Variants in C19orf84 observed in about 807,000 individuals in gnomAD.
C19orf84 encodes piRNA-mediated silencing protein C19orf84.
C19orf84 carries 1 observed loss-of-function variant against 4.0 expected under a neutral mutation model. The observed-to-expected ratio is 0.25, with a 90% CI of 0.09 to 1.19. The LOEUF (loss-of-function observed/expected upper bound fraction) is 1.19, where lower values mean the gene tolerates loss of function less well. C19orf84 is among the 50% of genes most tolerant of loss of function. The pLI, the probability that C19orf84 is intolerant of heterozygous loss-of-function variation, is 0.50. For synonymous variants in C19orf84, 123 were observed against 109.6 expected (o/e 1.12, Z -0.76); for missense variants, 224 against 246.8 (o/e 0.91, Z 0.62).
chr19:51,390,229 G>T (rs951846722), intron 1 of C19orf84: 3 of 365,004 alleles, frequency 8.2e-6, no homozygotes, highest in African/African-American at 2.1e-5. Flanking sequence ...CACCCGCCTC[G>T]GCCTCCCAAA....
At position 51,389,694 on chromosome 19, in the gene C19orf84, A is replaced by G. The variant is rs1040937012; in HGVS notation, c.36-185T>C. Among the ~76,000 whole-genome samples the G allele has an allele frequency of 6.6e-5, 10 of 152,202 alleles. No homozygotes were observed. Among genetic ancestry groups the G allele is most frequent in the Non-Finnish European group, 1.2e-4 (8 of 68,024 alleles). ...CCCGGGTCTCTCTAAAGAAACAGAC[A>G]GCTCTGCCATGAACTTCGGCACCAG... On this transcript the variant is annotated intron_variant, in intron 1 of 1. Transcript: ENST00000574814. This position sits in a 1 kb window ranked among gnomAD's most constrained non-coding sequence, Gnocchi z 4.7.
rs113716094 is a variant in C19orf84 at position 51,388,597 on chromosome 19, G to A, written c.*387C>T. The A allele has an allele frequency of 1.6e-5, 4 of 253,640 alleles. No individual in the cohort carries two copies. Among genetic ancestry groups the A allele is most frequent in the African/African-American group, 6.9e-5 (3 of 43,194 alleles). The allele number at this position is 253,640 out of a possible 1,614,324, so 15.7% of individuals were successfully genotyped here. Reference sequence around the variant, plus strand: ...TGGGAATGAATGGGTTTGGGAACAGGGTATTGAGAGTGGGGAAGAGAGAGG... The same window carrying A: ...TGGGAATGAATGGGTTTGGGAACAGAGTATTGAGAGTGGGGAAGAGAGAGG... On this transcript the variant is annotated 3_prime_UTR_variant, in exon 2 of 2. Transcript: ENST00000574814.
At position 51,389,406 on chromosome 19, in the gene C19orf84, C is replaced by T. The variant is rs1181517663; in HGVS notation, c.139G>A (p.Gly47Arg). Reference sequence around the variant, plus strand: ...ACAGAGGCCACGCTCTCCGGGAGCCCCAGGTGGGTGGGGTCTGTGGAGTTC... The same window carrying T: ...ACAGAGGCCACGCTCTCCGGGAGCCTCAGGTGGGTGGGGTCTGTGGAGTTC... ...LLNSTDPTHL[G>R]LPESVASVTV... The change falls in exon 2 of 2, where the codon GGG becomes AGG. Residue 47 changes from glycine (G) to arginine (R), a missense_variant. Transcript: ENST00000574814. This position sits in a 1 kb window ranked among gnomAD's most constrained non-coding sequence, Gnocchi z 4.7. 6.7e-7 allele frequency: 1 copy of T among 1,490,556 alleles called. No homozygotes were observed. The highest frequency in any genetic ancestry group is 1.4e-5 in the African/African-American group (1 of 71,960). 92.3% of individuals were successfully genotyped at this position (1,490,556 alleles called of 1,614,324 possible).
chr19:51,390,013 T>C (rs939834627), intron 1 of C19orf84, among the ~76,000 whole-genome samples: 1 of 151,956 alleles, frequency 6.6e-6, no homozygotes, highest in African/African-American at 2.4e-5. Context: ...GGTTTCACTC[T>C]TGTTGCCCAG....
chr19:51,388,857 T>G lies in C19orf84; in HGVS notation c.*127A>C. 3 of 1,064,986 alleles carry G rather than the reference T, an allele frequency of 2.8e-6. No homozygotes were observed. Among genetic ancestry groups the G allele is most frequent in the African/African-American group, 1.6e-5 (1 of 62,210 alleles). 66.0% of individuals were successfully genotyped at this position (1,064,986 alleles called of 1,614,324 possible). A position where few individuals can be genotyped will look rare whatever the true frequency, so the allele number is the denominator to read the frequency against. On this transcript the variant is annotated 3_prime_UTR_variant, in exon 2 of 2. Transcript: ENST00000574814. ...CTCACAGGAGCTACTCCTGGGATTG[T>G]GGTTTTGGGGAGAGGGGAGGATGGA...
Position 51,388,638 on chromosome 19 carries a change from T to G in C19orf84, c.*346A>C. On this transcript the variant is annotated 3_prime_UTR_variant, in exon 2 of 2. Transcript: ENST00000574814. ...AAGAGAGAGGCAGGTAGGAGTGGCT[T>G]TGGGATTAGGGAGAGGATAGGGAAT... 3 of 291,732 alleles carry G rather than the reference T, an allele frequency of 1.0e-5. No individual in the cohort carries two copies. Among genetic ancestry groups the G allele is most frequent in the East Asian group, 8.6e-5 (1 of 11,670 alleles). The allele number at this position is 291,732 out of a possible 1,614,324, so 18.1% of individuals were successfully genotyped here. A position where few individuals can be genotyped will look rare whatever the true frequency, so the allele number is the denominator to read the frequency against.
Position 51,389,892 on chromosome 19 carries a change from G to A in C19orf84, c.36-383C>T, listed in dbSNP as rs1209118408. On this transcript the variant is annotated intron_variant, in intron 1 of 1. Transcript: ENST00000574814. This position sits in a 1 kb window ranked among gnomAD's most constrained non-coding sequence, Gnocchi z 4.7. ...AAGTGCTAAAACAGTGGACAGCTACGATTTCTCCAGCCTTCTGGGGATCCC... is the reference window on the plus strand; with the variant it reads ...AAGTGCTAAAACAGTGGACAGCTACAATTTCTCCAGCCTTCTGGGGATCCC... Among the ~76,000 whole-genome samples, 1 of 152,158 alleles carries A rather than the reference G, an allele frequency of 6.6e-6. No homozygotes were observed. The highest frequency in any genetic ancestry group is 1.5e-5 in the Non-Finnish European group (1 of 68,016).
rs976555300 is a variant in C19orf84 at position 51,390,524 on chromosome 19, C to G, written c.-12G>C. ...TTTGGTTGTTCCATCTCCACTGGGG[C>G]CCTCTTACGTATCTTCTAGCAACTT... On this transcript the variant is annotated 5_prime_UTR_variant, in exon 1 of 2. Coordinates refer to ENST00000574814, the MANE Select transcript of C19orf84 (RefSeq NM_001193623.2). 7 of 1,530,122 alleles carry G rather than the reference C, an allele frequency of 4.6e-6. No individual in the cohort carries two copies. The highest frequency in any genetic ancestry group is 6.1e-6 in the Non-Finnish European group (7 of 1,143,728). 94.8% of individuals were successfully genotyped at this position (1,530,122 alleles called of 1,614,324 possible).
chr19:51,389,069 G>C lies in C19orf84; in HGVS notation c.476C>G (p.Ala159Gly), dbSNP rs1375268639. Reference sequence around the variant, plus strand: ...TCGAGCTTCTTTCTTCCCATCCTGGGCAGGCAGTGTTGGTGGTGATGGCAG... The same window carrying C: ...TCGAGCTTCTTTCTTCCCATCCTGGCCAGGCAGTGTTGGTGGTGATGGCAG... The part of the protein sequence containing the change: ...MTLPSPPTLP[A>G]QDGKKEARGP... The change falls in exon 2 of 2, where the codon GCC (alanine) becomes GGC (glycine). Residue 159 changes from alanine (A) to glycine (G), a missense_variant. Coordinates refer to ENST00000574814, the MANE Select transcript of C19orf84 (RefSeq NM_001193623.2). This position sits in a 1 kb window ranked among gnomAD's most constrained non-coding sequence, Gnocchi z 4.7. 2 of 1,536,034 alleles carry C rather than the reference G, an allele frequency of 1.3e-6. No individual in the cohort carries two copies. The highest frequency in any genetic ancestry group is 4.9e-5 in the East Asian group (2 of 40,890).
In C19orf84 at chr19:51,389,166, C is replaced by G; in HGVS notation, c.379G>C (p.Gly127Arg). Residue 127 changes from glycine to arginine, a missense_variant, in exon 2 of 2, where the codon GGG becomes CGG. Gly to Arg is a moderately radical substitution (Grantham distance 125, BLOSUM62 -2). Transcript: ENST00000574814. This position sits in a 1 kb window ranked among gnomAD's most constrained non-coding sequence, Gnocchi z 4.7. ...CCCCTCTCTGGCTGCTCAGCTCTCCCAAGGCCCCGTCGATGCAGGCCTCGG... is the reference window on the plus strand; with the variant it reads ...CCCCTCTCTGGCTGCTCAGCTCTCCGAAGGCCCCGTCGATGCAGGCCTCGG... ...WGRGLHRRGL[G>R]RAEQPERGRA... is the part of the protein sequence containing the mutation. 2.6e-6 allele frequency: 4 copies of G among 1,535,616 alleles called. No individual in the cohort carries two copies. In the South Asian group the frequency reaches 4.8e-5, roughly 18 times the overall value.
At position 51,390,563 on chromosome 19, in the gene C19orf84, CT is replaced by C; in HGVS notation, c.-52del. The C allele has an allele frequency of 6.6e-7, 1 of 1,505,944 alleles. No homozygotes were observed. The highest frequency in any genetic ancestry group is 1.2e-5 in the South Asian group (1 of 80,740). The allele number at this position is 1,505,944 out of a possible 1,614,324, so 93.3% of individuals were successfully genotyped here. A position where few individuals can be genotyped will look rare whatever the true frequency, so the allele number is the denominator to read the frequency against. ...TTCTAGCAACTTCGCCTCCGAGATCCTTCGGGGGCCCGGGAAGGTTGGGGAG... is the reference window on the plus strand; with the variant it reads ...TTCTAGCAACTTCGCCTCCGAGATCCTCGGGGGCCCGGGAAGGTTGGGGAG... On this transcript the variant is annotated 5_prime_UTR_variant, in exon 1 of 2. Transcript: ENST00000574814.
chr19:51,389,479 G>T lies in C19orf84; in HGVS notation c.66C>A (p.Thr22=). 2 of 1,431,766 alleles carry T rather than the reference G, an allele frequency of 1.4e-6. No homozygotes were observed. The highest frequency in any genetic ancestry group is 9.1e-7 in the Non-Finnish European group (1 of 1,096,544). 88.7% of individuals were successfully genotyped at this position (1,431,766 alleles called of 1,614,324 possible). The change falls in exon 2 of 2, where the codon ACC becomes ACA. Residue 22 remains threonine, a synonymous_variant. Coordinates refer to ENST00000574814, the MANE Select transcript of C19orf84 (RefSeq NM_001193623.2). The surrounding 1 kb of genome is among the most constrained non-coding windows in gnomAD (Gnocchi z 4.7). ...GGAGAGGCGCAGGGGGCCATGGCTC[G>T]GTCCCAGATGACGGCAGGGACAGGT... ...GNNLSLPSSG[T]EPWPPAPLPA...
rs1251715115 is a variant in C19orf84 at position 51,390,550 on chromosome 19, C to A, written c.-38G>T. The A allele has an allele frequency of 6.6e-7, 1 of 1,513,660 alleles. No individual in the cohort carries two copies. Among genetic ancestry groups the A allele is most frequent in the Middle Eastern group, 1.7e-4 (1 of 5,900 alleles). The allele number at this position is 1,513,660 out of a possible 1,614,324, so 93.8% of individuals were successfully genotyped here. A position where few individuals can be genotyped will look rare whatever the true frequency, so the allele number is the denominator to read the frequency against. On this transcript the variant is annotated 5_prime_UTR_variant, in exon 1 of 2. Transcript: ENST00000574814. ...CCTCTTACGTATCTTCTAGCAACTT[C>A]GCCTCCGAGATCCTTCGGGGGCCCG...
Position 51,389,465 on chromosome 19 carries a change from G to C in C19orf84, c.80C>G (p.Pro27Arg), listed in dbSNP as rs1330448410. Residue 27 changes from proline to arginine, a missense_variant, in exon 2 of 2, where the codon CCT becomes CGT. Physicochemically the swap from Pro to Arg is moderately radical, Grantham distance 103. Transcript: ENST00000574814. This position sits in a 1 kb window ranked among gnomAD's most constrained non-coding sequence, Gnocchi z 4.7. ...GGGTGGAGGGGCTGGGAGAGGCGCA[G>C]GGGGCCATGGCTCGGTCCCAGATGA... is the stretch of plus-strand genomic sequence containing the variant. ...LPSSGTEPWP[P>R]APLPAPPPLL... 1.4e-6 allele frequency: 2 copies of C among 1,438,676 alleles called. No homozygotes were observed. Among genetic ancestry groups the C allele is most frequent in the South Asian group, 1.5e-5 (1 of 67,652 alleles). 89.1% of individuals were successfully genotyped at this position (1,438,676 alleles called of 1,614,324 possible).
In C19orf84 at chr19:51,389,399, G is replaced by C. The variant is rs1433794831; in HGVS notation, c.146C>G (p.Pro49Arg). The C allele has an allele frequency of 4.0e-6, 6 of 1,494,834 alleles. No individual in the cohort carries two copies. In the African/African-American group the frequency reaches 8.3e-5, roughly 21 times the overall value. 92.6% of individuals were successfully genotyped at this position (1,494,834 alleles called of 1,614,324 possible). A position where few individuals can be genotyped will look rare whatever the true frequency, so the allele number is the denominator to read the frequency against. Reference protein sequence around the residue: ...NSTDPTHLGLPESVASVTVPI... With the variant: ...NSTDPTHLGLRESVASVTVPI... ...CACGGTGACAGAGGCCACGCTCTCC[G>C]GGAGCCCCAGGTGGGTGGGGTCTGT... is the stretch of plus-strand genomic sequence containing the variant. Residue 49 changes from proline (P) to arginine (R), a missense_variant, in exon 2 of 2, where the codon CCG (proline) becomes CGG (arginine). Coordinates refer to ENST00000574814, the MANE Select transcript of C19orf84 (RefSeq NM_001193623.2). This position sits in a 1 kb window ranked among gnomAD's most constrained non-coding sequence, Gnocchi z 4.7.
chr19:51,389,401 G>A lies in C19orf84; in HGVS notation c.144C>T (p.Leu48=), dbSNP rs1162522027. Residue 48 remains leucine, a synonymous_variant, in exon 2 of 2, where the codon CTC becomes CTT. Transcript: ENST00000574814. The surrounding 1 kb of genome is among the most constrained non-coding windows in gnomAD (Gnocchi z 4.7). The part of the protein sequence containing the change: ...LNSTDPTHLG[L]PESVASVTVP... ...CGGTGACAGAGGCCACGCTCTCCGG[G>A]AGCCCCAGGTGGGTGGGGTCTGTGG... The A allele has an allele frequency of 2.0e-6, 3 of 1,495,340 alleles. No homozygotes were observed. The highest frequency in any genetic ancestry group is 2.7e-6 in the Non-Finnish European group (3 of 1,124,548). 92.6% of individuals were successfully genotyped at this position (1,495,340 alleles called of 1,614,324 possible).
At position 51,390,459 on chromosome 19, in the gene C19orf84, A is replaced by G; in HGVS notation, c.35+19T>C. 1 of 1,528,618 alleles carries G rather than the reference A, an allele frequency of 6.5e-7. No individual in the cohort carries two copies. Among genetic ancestry groups the G allele is most frequent in the Non-Finnish European group, 8.7e-7 (1 of 1,142,934 alleles). The allele number at this position is 1,528,618 out of a possible 1,614,324, so 94.7% of individuals were successfully genotyped here. A position where few individuals can be genotyped will look rare whatever the true frequency, so the allele number is the denominator to read the frequency against. On this transcript the variant is annotated intron_variant, in intron 1 of 1. Transcript: ENST00000574814. The stretch of plus-strand genomic sequence containing the variant: ...TCTGGGTCTCTGTCCCCCTCTCAGG[A>G]GGTCTTTGTTTGTCTCACCCTTCAG...
rs1255437116 is a variant in C19orf84 at position 51,390,526 on chromosome 19, C to T, written c.-14G>A. 1.3e-6 allele frequency: 2 copies of T among 1,528,396 alleles called. No individual in the cohort carries two copies. The highest frequency in any genetic ancestry group is 1.7e-4 in the Middle Eastern group (1 of 5,960). The allele number at this position is 1,528,396 out of a possible 1,614,324, so 94.7% of individuals were successfully genotyped here. A position where few individuals can be genotyped will look rare whatever the true frequency, so the allele number is the denominator to read the frequency against. On this transcript the variant is annotated 5_prime_UTR_variant, in exon 1 of 2. Coordinates refer to ENST00000574814, the MANE Select transcript of C19orf84 (RefSeq NM_001193623.2). Reference sequence around the variant, plus strand: ...TGGTTGTTCCATCTCCACTGGGGCCCTCTTACGTATCTTCTAGCAACTTCG... The same window carrying T: ...TGGTTGTTCCATCTCCACTGGGGCCTTCTTACGTATCTTCTAGCAACTTCG...
rs370498668 is a variant in C19orf84, at chr19:51,388,984, C to T, written c.561G>A (p.Ter187=). Residue 187 remains the stop codon, a stop_retained_variant, in exon 2 of 2, where the codon TAG becomes TAA. Transcript: ENST00000574814. The part of the protein sequence containing the change: ...LAAEDWETEY[*] ...CTCAGGTGCCTGACCCTCCAAGGTC[C>T]TAGTACTCTGTCTCCCAGTCCTCAG... 6.5e-7 allele frequency: 1 copy of T among 1,535,916 alleles called. No individual in the cohort carries two copies. The highest frequency in any genetic ancestry group is 8.7e-7 in the Non-Finnish European group (1 of 1,146,890).
Sources: allele counts gnomAD v4.1 joint callset (sites outside exome capture counted in the v4.1 genomes callset), GRCh38; gene constraint gnomAD v4.1.1; non-coding constraint Gnocchi (gnomAD v3.1); transcripts MANE v1.5; gene names NCBI Gene and HGNC (gene_info 2026-07-23, HGNC 2026-07-21).